The following VWF variants were observed in gnomAD, a reference collection of about 807,000 sequenced individuals.
The protein encoded by VWF is von Willebrand factor.
VWF carries 176 observed loss-of-function variants against 308.6 expected under a neutral mutation model. The observed-to-expected ratio is 0.57, with a 90% CI of 0.50 to 0.65. The LOEUF (loss-of-function observed/expected upper bound fraction) is 0.65. Ranked by LOEUF, VWF falls within the 30% of genes least tolerant of loss-of-function variation. The pLI is 0.00. For synonymous variants in VWF, 1,385 were observed against 1,443.4 expected, an observed-to-expected ratio of 0.96 and a Z score of 0.92; for missense variants, 3,146 against 3,648.2, an observed-to-expected ratio of 0.86 and a Z score of 3.55.
At chr12:5,971,789 G>T in intron 43 of VWF, 80 bp from the exon 44 acceptor site, 1 of 1,243,880 alleles carries the variant, frequency 8.0e-7, no homozygotes. Context: ...CCTGCGTACT[G>T]AGCCCTGGGG....
chr12:6,092,610 T>TGAGAGTGAGAGTGAGAGTGA (rs113664724), intron 6 of VWF, among the ~76,000 whole-genome samples: 1 of 57,000 alleles, frequency 1.8e-5, no homozygotes, highest in African/African-American at 7.1e-5. Context: ...AGTTAGTGAG[T>TGAGAGTGAGAGTGAGAGTGA]GAGTGAGAGT....
Position 6,072,393 on chromosome 12 carries a change from G to A in VWF, c.1047C>T (p.Pro349=), listed in dbSNP as rs1944791358. The part of the protein sequence containing the change: ...EGLCVESTEC[P]CVHSGKRYPP... ...GGTAGCGCTTTCCGGAATGCACGCA[G>A]GGACACTCGGTGCTCTCCACGCAGA... The change falls in exon 9 of 52, where the codon CCC becomes CCT. Residue 349 remains proline (P), a synonymous_variant. Coordinates refer to ENST00000261405, the MANE Select transcript of VWF (RefSeq NM_000552.5). The A allele has an allele frequency of 6.2e-7, 1 of 1,614,118 alleles. No homozygotes were observed. The highest frequency in any genetic ancestry group is 2.2e-5 in the East Asian group (1 of 44,876).
chr12:6,050,617 G>A, intron 16 of VWF, among the ~76,000 whole-genome samples: 1 of 152,212 alleles, frequency 6.6e-6, no homozygotes. Context: ...CTTGGGGATT[G>A]TGGAGTACAC....
chr12:6,037,944 T>C (rs1860365), intron 18 of VWF, among the ~76,000 whole-genome samples: 36,036 of 152,140 alleles, frequency 0.24, 4,468 homozygotes, highest in African/African-American at 0.27. Context: ...AATCCTCCAC[T>C]GCTTAATGTC....
intron 24 of VWF, 62 bp downstream of exon 24, chr12:6,025,518 T>C: frequency 7.5e-7 from 1 of 1,329,738 alleles, no homozygotes; most frequent in Non-Finnish European, 1.1e-6. Context: ...TCACACTCTG[T>C]GTCCATACCA....
chr12:5,972,359 A>G (rs1943486120), intron 43 of VWF, among the ~76,000 whole-genome samples: 1 of 152,240 alleles, frequency 6.6e-6, no homozygotes, highest in Non-Finnish European at 1.5e-5. Flanking sequence ...CTAAAGCATC[A>G]TGAACATGGA....
intron 36 of VWF, 100 bp downstream of exon 36, chr12:5,994,315 T>TA: frequency 6.3e-7 from 1 of 1,592,330 alleles, no homozygotes; most frequent in South Asian, 1.1e-5. Flanking sequence ...CCCTCGCTAC[T>TA]AGACCCTGAA....
At chr12:6,048,705 C>T (rs1222455589) in intron 16 of VWF, among the ~76,000 whole-genome samples, 5 of 149,478 alleles carry the variant, frequency 3.3e-5, no homozygotes, top group African/African-American at 7.4e-5. Flanking sequence ...TCAAGTGATC[C>T]GCCCACCTCG....
intron 3 of VWF, among the ~76,000 whole-genome samples, chr12:6,118,575 C>T (rs778440672): frequency 2.0e-5 from 3 of 151,652 alleles, no homozygotes; most frequent in Non-Finnish European, 2.9e-5. Context: ...TTAGTAGTGA[C>T]GGGGTTTCAC....
chr12:6,025,377 C>T (rs1944178931), intron 24 of VWF, among the ~76,000 whole-genome samples: 1 of 152,206 alleles, frequency 6.6e-6, no homozygotes, highest in African/African-American at 2.4e-5. Flanking sequence ...AATGTTTTGC[C>T]AGGCATTGCT....
At position 6,016,740 on chromosome 12, in the gene VWF, C is replaced by T; in HGVS notation, c.5170+14G>A. On this transcript the variant is annotated intron_variant, in intron 29 of 51. Coordinates refer to ENST00000261405, the MANE Select transcript of VWF (RefSeq NM_000552.5). ...TCTTCGTCACCTGCTGCTTCAGGTG[C>T]CTCGCTCACCCACCTATATTGGCTT... is the stretch of plus-strand genomic sequence containing the variant. The T allele has an allele frequency of 6.2e-7, 1 of 1,614,098 alleles. No individual in the cohort carries two copies. The highest frequency in any genetic ancestry group is 1.3e-5 in the African/African-American group (1 of 75,056).
At chr12:6,094,539 C>T (rs1254476896) in intron 6 of VWF, among the ~76,000 whole-genome samples, 4 of 151,298 alleles carry the variant, frequency 2.6e-5, no homozygotes, top group Admixed American at 1.3e-4. Context: ...TTACTTATTG[C>T]TATGGTTCAA....
intron 6 of VWF, among the ~76,000 whole-genome samples, chr12:6,080,893 T>G (rs1212939561): frequency 6.6e-6 from 1 of 152,204 alleles, no homozygotes; most frequent in Non-Finnish European, 1.5e-5. Flanking sequence ...CCTCCATGGC[T>G]TAGAAACGGC....
intron 21 of VWF, 145 bp from the exon 22 acceptor site, chr12:6,029,633 C>T: frequency 9.3e-7 from 1 of 1,078,320 alleles, no homozygotes; most frequent in African/African-American, 1.6e-5. Context: ...CCTGCCACTG[C>T]ACCCCTGCAG....
chr12:6,044,297 C>T lies in VWF; in HGVS notation c.2436G>A (p.Pro812=), dbSNP rs745322229. 23 of 1,613,916 alleles carry T rather than the reference C, an allele frequency of 1.4e-5. No homozygotes were observed. The South Asian group carries it at 2.0e-4, about 14-fold the overall frequency. Residue 812 remains proline (P), a synonymous_variant, in exon 18 of 52, where the codon CCG becomes CCA. Coordinates refer to ENST00000261405, the MANE Select transcript of VWF (RefSeq NM_000552.5). ...MGCVSGCLCP[P]GMVRHENRCV... ...TCTGTGCCTGGTGACTCACCATGCC[C>T]GGGGGGCAGAGGCAGCCAGAGACAC...
At chr12:6,083,150 C>T (rs1466070581) in intron 6 of VWF, among the ~76,000 whole-genome samples, 1 of 152,156 alleles carries the variant, frequency 6.6e-6, no homozygotes, top group Non-Finnish European at 1.5e-5. Context: ...ATGATCTTGG[C>T]CAAGTGCAGT....
chr12:6,042,491 G>A (rs1469830229), intron 18 of VWF, among the ~76,000 whole-genome samples: 2 of 152,196 alleles, frequency 1.3e-5, no homozygotes, highest in South Asian at 2.1e-4. Flanking sequence ...TAAATTACAC[G>A]GACTTCTCTG....
At position 6,036,410 on chromosome 12, in the gene VWF, CT is replaced by C; in HGVS notation, c.2523del (p.Val842Ter). ...CACCAAGTGTTGCAGCCAATCTTCA[CT>C]GTTTCTCCAGGGGCATACTCCTTGC... ...HQGKEYAPGE[T>X]VKIGCNTCVC... On this transcript the variant is annotated frameshift_variant, in exon 19 of 52. Coordinates refer to ENST00000261405, the MANE Select transcript of VWF (RefSeq NM_000552.5). LOFTEE classifies it high-confidence loss of function. 6.2e-7 allele frequency: 1 copy of C among 1,614,258 alleles called. No individual in the cohort carries two copies. The highest frequency in any genetic ancestry group is 8.5e-7 in the Non-Finnish European group (1 of 1,180,040).
intron 47 of VWF, 145 bp from the exon 48 acceptor site, chr12:5,953,739 C>T: frequency 1.4e-6 from 1 of 705,466 alleles, no homozygotes; most frequent in Non-Finnish European, 2.6e-6. Context: ...CTCCAACCAG[C>T]TTTTGTCAGT....
Sources: gnomAD v4.1 joint callset for allele counts (sites outside exome capture counted in the v4.1 genomes callset) on GRCh38, gnomAD v4.1.1 for gene constraint, MANE v1.5 for transcripts, NCBI Gene and HGNC (gene_info 2026-07-23, HGNC 2026-07-21) for gene names.